The following RAD51B variants were observed in gnomAD, a reference collection of about 807,000 sequenced individuals.
The protein encoded by RAD51B is RAD51 paralog B.
RAD51B carries 38 observed loss-of-function variants against 42.2 expected under a neutral mutation model. The observed-to-expected ratio is 0.90, with a 90% CI of 0.70 to 1.18. The LOEUF is 1.18. Ranked by LOEUF, RAD51B falls within the 50% of genes most tolerant of loss-of-function variation. RAD51B has a pLI of 0.00. For synonymous variants in RAD51B, 154 were observed against 145.2 expected (o/e 1.06, Z -0.43); for missense variants, 373 against 400.7 (o/e 0.93, Z 0.59).
intron 7 of RAD51B, among the ~76,000 whole-genome samples, chr14:68,208,979 G>A (rs1214639588): frequency 6.6e-6 from 1 of 152,112 alleles, no homozygotes; most frequent in Non-Finnish European, 1.5e-5. Context: ...GGAGATCTTC[G>A]ATAGTCTTCC....
chr14:67,953,517 G>A (rs1354987842), intron 7 of RAD51B, among the ~76,000 whole-genome samples: 1 of 152,136 alleles, frequency 6.6e-6, no homozygotes, highest in African/African-American at 2.4e-5. Flanking sequence ...CAAGGGCTTG[G>A]TAGGAGCTAG....
chr14:68,534,242 G>C (rs984252370), intron 10 of RAD51B, among the ~76,000 whole-genome samples: 2 of 152,160 alleles, frequency 1.3e-5, no homozygotes, highest in African/African-American at 4.8e-5. Context: ...TGGAAGAATA[G>C]ATCACTGGAA....
chr14:68,562,277 C>T (rs1036196658), intron 10 of RAD51B: 19 of 985,392 alleles, frequency 1.9e-5, no homozygotes, highest in Middle Eastern at 5.2e-4. Context: ...ATCTTTGCAA[C>T]GGAAAATGCC....
At chr14:68,671,572 C>T (rs572595828) in intron 11 of RAD51B, among the ~76,000 whole-genome samples, 2 of 152,092 alleles carry the variant, frequency 1.3e-5, no homozygotes, top group African/African-American at 4.8e-5. Context: ...CAACACCCCG[C>T]CTCCGACAAC....
intron 7 of RAD51B, among the ~76,000 whole-genome samples, chr14:67,893,102 A>G (rs2043268191): frequency 6.6e-6 from 1 of 152,118 alleles, no homozygotes; most frequent in Non-Finnish European, 1.5e-5. Context: ...GTGCTAATAG[A>G]TATGTACAAG....
chr14:68,071,839 A>G (rs1369689637), intron 7 of RAD51B, among the ~76,000 whole-genome samples: 2 of 151,380 alleles, frequency 1.3e-5, no homozygotes, highest in African/African-American at 2.4e-5. Flanking sequence ...TAGGATAGGT[A>G]GAACTCTTCT....
At chr14:68,157,249 ATAT>A (rs1419475583) in intron 7 of RAD51B, among the ~76,000 whole-genome samples, 1 of 152,230 alleles carries the variant, frequency 6.6e-6, no homozygotes, top group African/African-American at 2.4e-5. Context: ...GAACTAGAAA[ATAT>A]TATTATTCAT....
intron 7 of RAD51B, among the ~76,000 whole-genome samples, chr14:67,927,478 G>T (rs539523023): frequency 1.3e-5 from 2 of 152,132 alleles, no homozygotes; most frequent in South Asian, 2.1e-4. Context: ...AACTTCTCCT[G>T]TCCTCTCCCC....
At chr14:68,064,770 C>T (rs2076623196) in intron 7 of RAD51B, among the ~76,000 whole-genome samples, 1 of 151,764 alleles carries the variant, frequency 6.6e-6, no homozygotes, top group Admixed American at 6.6e-5. Context: ...TTTTTCTGTT[C>T]TATTTTTATT....
At chr14:68,613,653 A>G (rs1211926795), downstream of RAD51B, among the ~76,000 whole-genome samples, 2 of 151,812 alleles carry the variant, frequency 1.3e-5, no homozygotes, top group Non-Finnish European at 1.5e-5. Context: ...ATGGGGTTTC[A>G]CCGTGTTAGC....
At chr14:68,590,923 A>T (rs1462666037) in intron 10 of RAD51B, among the ~76,000 whole-genome samples, 1 of 152,108 alleles carries the variant, frequency 6.6e-6, no homozygotes, top group Non-Finnish European at 1.5e-5. Flanking sequence ...AGATGGCCCC[A>T]TGAAGTTCTC....
In RAD51B at chr14:67,969,222, A is replaced by G. The variant is rs1035606008; in HGVS notation, c.756+82018A>G. Among the ~76,000 whole-genome samples the G allele has an allele frequency of 5.3e-5, 8 of 152,230 alleles. No individual in the cohort carries two copies. The South Asian group carries it at 6.2e-4, about 12-fold the overall frequency. On this transcript the variant is annotated intron_variant, in intron 7 of 10. Coordinates refer to ENST00000471583, the MANE Select transcript of RAD51B (RefSeq NM_133510.4). ...GGGTGGGGACACAGAACCAAACCAT[A>G]TCAGTAAGCAAGTACTGGTTCTGAT...
intron 7 of RAD51B, among the ~76,000 whole-genome samples, chr14:67,947,956 A>G (rs1268111400): frequency 6.6e-6 from 1 of 152,232 alleles, no homozygotes; most frequent in Non-Finnish European, 1.5e-5. Context: ...TCAGCAAAAC[A>G]TTTACAACTA....
chr14:68,449,357 A>G (rs1594854846), intron 9 of RAD51B, among the ~76,000 whole-genome samples: 1 of 152,208 alleles, frequency 6.6e-6, no homozygotes, highest in South Asian at 2.1e-4. Flanking sequence ...TAGGGACCCC[A>G]AAGAGCATGG....
At chr14:68,294,837 A>T (rs980722383) in intron 8 of RAD51B, among the ~76,000 whole-genome samples, 1 of 152,122 alleles carries the variant, frequency 6.6e-6, no homozygotes, top group Non-Finnish European at 1.5e-5. Flanking sequence ...TCCTCCCTGT[A>T]TGTTTTCTCT....
chr14:67,964,534 CACA>C (rs1178045086), intron 7 of RAD51B, among the ~76,000 whole-genome samples: 1 of 152,190 alleles, frequency 6.6e-6, no homozygotes, highest in Non-Finnish European at 1.5e-5. Flanking sequence ...GAAAACATTA[CACA>C]ACAACATTAA....
chr14:68,625,981 G>T (rs1397018928), intron 10 of RAD51B, among the ~76,000 whole-genome samples: 2 of 152,218 alleles, frequency 1.3e-5, no homozygotes, highest in Non-Finnish European at 1.5e-5. Context: ...GGCCCAAATA[G>T]CATGTTCATC....
chr14:68,057,600 A>T (rs1262047438), intron 7 of RAD51B, among the ~76,000 whole-genome samples: 3 of 152,130 alleles, frequency 2.0e-5, no homozygotes, highest in Non-Finnish European at 4.4e-5. Context: ...AGATAACAGA[A>T]TTGGAAAATT....
At chr14:68,270,254 C>A (rs915378851) in intron 7 of RAD51B, among the ~76,000 whole-genome samples, 4 of 152,112 alleles carry the variant, frequency 2.6e-5, no homozygotes, top group Non-Finnish European at 5.9e-5. Context: ...TTGTTTGTGA[C>A]CTGTAAGGAG....
Sources: allele counts gnomAD v4.1 joint callset (sites outside exome capture counted in the v4.1 genomes callset), GRCh38; gene constraint gnomAD v4.1.1; transcripts MANE v1.5; gene names NCBI Gene and HGNC (gene_info 2026-07-23, HGNC 2026-07-21).